RGS9: variants seen among roughly 807,000 people sequenced by gnomAD.
RGS9 encodes regulator of G-protein signalling 9.
RGS9 carries 78 observed loss-of-function variants against 102.0 expected under a neutral mutation model. The observed-to-expected ratio is 0.76, with a 90% CI of 0.64 to 0.92. RGS9 has a LOEUF of 0.92. Among genes scored for constraint, RGS9 ranks in the 40% least tolerant of loss-of-function variants. RGS9 has a pLI of 0.00. For missense variants in RGS9, 833 were observed against 866.1 expected, an observed-to-expected ratio of 0.96 and a Z score of 0.48; for synonymous variants, 353 against 318.6, an observed-to-expected ratio of 1.11 and a Z score of -1.15.
chr17:65,211,611 G>A (rs1913304401), intron 17 of RGS9, among the ~76,000 whole-genome samples: 2 of 152,120 alleles, frequency 1.3e-5, no homozygotes, highest in Non-Finnish European at 2.9e-5. Flanking sequence ...AGTTCTAACT[G>A]ACCTTGGGGG....
At chr17:65,161,973 C>T (rs1911003127) in intron 6 of RGS9, among the ~76,000 whole-genome samples, 1 of 151,732 alleles carries the variant, frequency 6.6e-6, no homozygotes, top group South Asian at 2.1e-4. Context: ...GCTGGGATTA[C>T]AGGCGTGAGC....
chr17:65,201,395 A>G (rs1251620740), intron 13 of RGS9, among the ~76,000 whole-genome samples: 1 of 152,170 alleles, frequency 6.6e-6, no homozygotes, highest in Non-Finnish European at 1.5e-5. Context: ...CCTCTCTGTA[A>G]GAACCGTTGG....
At chr17:65,215,550 TTTTG>T (rs1300009500) in intron 17 of RGS9, among the ~76,000 whole-genome samples, 3 of 118,348 alleles carry the variant, frequency 2.5e-5, no homozygotes, top group African/African-American at 4.0e-5. Flanking sequence ...CTTTCTTTTT[TTTTG>T]TTTTGAGACA....
At chr17:65,175,654 G>C (rs1911597962) in intron 8 of RGS9, among the ~76,000 whole-genome samples, 1 of 152,126 alleles carries the variant, frequency 6.6e-6, no homozygotes, top group South Asian at 2.1e-4. Context: ...TGCTGATCAA[G>C]ATCCACTTGT....
intron 8 of RGS9, among the ~76,000 whole-genome samples, chr17:65,175,325 A>C (rs906858459): frequency 2.6e-5 from 4 of 151,914 alleles, no homozygotes; most frequent in Non-Finnish European, 5.9e-5. Context: ...GTGTGTATGA[A>C]GTCTGCCTTC....
intron 2 of RGS9, among the ~76,000 whole-genome samples, chr17:65,155,349 GCTCAT>G (rs1477010605): frequency 2.0e-5 from 3 of 152,216 alleles, no homozygotes; most frequent in Non-Finnish European, 4.4e-5. Context: ...ACCTTGTCTT[GCTCAT>G]CTGGGTAATC....
At position 65,137,584 on chromosome 17, in the gene RGS9, C is replaced by A. The variant is rs1348004425; in HGVS notation, c.44C>A (p.Ala15Glu). 11 of 1,613,436 alleles carry A rather than the reference C, an allele frequency of 6.8e-6. No individual in the cohort carries two copies. The highest frequency in any genetic ancestry group is 2.7e-5 in the African/African-American group (2 of 75,062). ...GGCCAGCAGTACAGGCCGAGGATGG[C>A]ATTTCTCCAAAAGGTAACCCTGGCC... is the stretch of plus-strand genomic sequence containing the variant. ...HQGQQYRPRM[A>E]FLQKIEALVK... Residue 15 changes from alanine to glutamate, a missense_variant, in exon 1 of 19, where the codon GCA (alanine) becomes GAA (glutamate). Ala to Glu is a moderately radical substitution (Grantham distance 107). This residue lies in a region of RGS9 where 328 missense variants were observed against 340.6 expected (regional missense o/e 0.96). Coordinates refer to ENST00000262406, the MANE Select transcript of RGS9 (RefSeq NM_003835.4).
intron 8 of RGS9, among the ~76,000 whole-genome samples, chr17:65,174,675 A>G (rs2144029616): frequency 6.6e-6 from 1 of 151,732 alleles, no homozygotes; most frequent in South Asian, 2.1e-4. Context: ...GTTATGTGTG[A>G]GCATGCATAT....
rs553204366 is a variant in RGS9, at chr17:65,161,845, A to G, written c.423+936A>G. Reference sequence around the variant, plus strand: ...AGCCTCAGCCTCCCAAGCAGCTGGGACTACAGGAGCACACCACCATACCCA... The same window carrying G: ...AGCCTCAGCCTCCCAAGCAGCTGGGGCTACAGGAGCACACCACCATACCCA... On this transcript the variant is annotated intron_variant, in intron 6 of 18. Coordinates refer to ENST00000262406, the MANE Select transcript of RGS9 (RefSeq NM_003835.4). Among the ~76,000 whole-genome samples the G allele has an allele frequency of 7.0e-4, 106 of 151,668 alleles. 1 individual carries two copies. In the South Asian group the frequency reaches 0.021, roughly 30 times the overall value.
Position 65,227,285 on chromosome 17 carries a change from A to G in RGS9, c.1903A>G (p.Ile635Val), listed in dbSNP as rs1356129716. 6 of 1,613,966 alleles carry G rather than the reference A, an allele frequency of 3.7e-6. No homozygotes were observed. Among genetic ancestry groups the G allele is most frequent in the Non-Finnish European group, 5.1e-6 (6 of 1,180,030 alleles). Residue 635 changes from isoleucine to valine, a missense_variant, in exon 19 of 19, where the codon ATC becomes GTC. By Grantham distance (29) the Ile-to-Val change is conservative (BLOSUM62 3). Transcript: ENST00000262406. ...KSKRVANFFQ[I>V]KMDVPTGSGT... ...CTCTTGCACCTGAAGCTTTTTCCAG[A>G]TCAAAATGGATGTGCCCACGGGGAG...
At chr17:65,219,666 G>A (rs1913633680) in intron 17 of RGS9, among the ~76,000 whole-genome samples, 1 of 152,154 alleles carries the variant, frequency 6.6e-6, no homozygotes, top group South Asian at 2.1e-4. Context: ...AGAAAAGGCT[G>A]CTTTCATTGT....
At chr17:65,145,257 A>AT (rs1910308899) in intron 1 of RGS9, among the ~76,000 whole-genome samples, 1 of 145,500 alleles carries the variant, frequency 6.9e-6, no homozygotes, top group East Asian at 2.0e-4. Flanking sequence ...CGCCTGGCTA[A>AT]TTTTTTTGTA....
At chr17:65,215,681 C>T (rs912290813) in intron 17 of RGS9, among the ~76,000 whole-genome samples, 5 of 151,864 alleles carry the variant, frequency 3.3e-5, no homozygotes, top group Non-Finnish European at 7.4e-5. Context: ...CTGCCTCAGC[C>T]TCCCCAGTAG....
At position 65,227,423 on chromosome 17, in the gene RGS9, G is replaced by A. The variant is rs1434910238; in HGVS notation, c.*16G>A. ...GAGCCTGTAAGGAAAGAGGCAGGCTGAGCTGGGGGCTCTGGACCAGGAAGA... is the reference window on the plus strand; with the variant it reads ...GAGCCTGTAAGGAAAGAGGCAGGCTAAGCTGGGGGCTCTGGACCAGGAAGA... On this transcript the variant is annotated 3_prime_UTR_variant, in exon 19 of 19. Transcript: ENST00000262406. The A allele has an allele frequency of 2.5e-6, 4 of 1,609,044 alleles. No homozygotes were observed. The highest frequency in any genetic ancestry group is 3.4e-5 in the Admixed American group (2 of 59,052).
rs1427171393 is a variant in RGS9 at position 65,158,363 on chromosome 17, A to T, written c.205+18A>T. 4 of 1,611,832 alleles carry T rather than the reference A, an allele frequency of 2.5e-6. No homozygotes were observed. In the Admixed American group the frequency reaches 6.7e-5, roughly 27 times the overall value. The stretch of plus-strand genomic sequence containing the variant: ...CAGTCTGGGTGAGAGCTCATCTGGC[A>T]CTCAGTTATCCGGGACAGCTTTGTG... On this transcript the variant is annotated intron_variant, in intron 3 of 18. Coordinates refer to ENST00000262406, the MANE Select transcript of RGS9 (RefSeq NM_003835.4).
At chr17:65,213,205 G>A (rs532125936) in intron 17 of RGS9, among the ~76,000 whole-genome samples, 1 of 152,104 alleles carries the variant, frequency 6.6e-6, no homozygotes, top group African/African-American at 2.4e-5. Context: ...GGAATGGGAG[G>A]AAAATTAGGT....
At chr17:65,216,223 C>T (rs1913517868) in intron 17 of RGS9, among the ~76,000 whole-genome samples, 1 of 152,154 alleles carries the variant, frequency 6.6e-6, no homozygotes, top group African/African-American at 2.4e-5. Flanking sequence ...GTAGTTTGTA[C>T]ACAGTGAACC....
chr17:65,201,908 T>A, intron 13 of RGS9, 85 bp from the exon 14 acceptor site: 1 of 914,942 alleles, frequency 1.1e-6, no homozygotes, highest in East Asian at 2.5e-5. Flanking sequence ...TCCATCCCGG[T>A]TGACTCATTT....
chr17:65,160,663 A>C, intron 5 of RGS9, 76 bp downstream of exon 5: 1 of 1,537,048 alleles, frequency 6.5e-7, no homozygotes, highest in Non-Finnish European at 9.0e-7. Flanking sequence ...CTTTGGTGAC[A>C]TTTGTCTTGC....
Sources: allele counts gnomAD v4.1 joint callset (sites outside exome capture counted in the v4.1 genomes callset), GRCh38; gene constraint gnomAD v4.1.1; regional missense constraint gnomAD v4.1.1; transcripts MANE v1.5; gene names NCBI Gene and HGNC (gene_info 2026-07-23, HGNC 2026-07-21).